Variants in FAT3 observed in about 807,000 individuals in gnomAD.
FAT3 encodes protocadherin Fat 3.
A neutral mutation model predicts 310.2 loss-of-function variants in FAT3; 95 were observed. That is an observed-to-expected ratio of 0.31 (90% confidence interval 0.26 to 0.36). The LOEUF is 0.36. Ranked by LOEUF, FAT3 falls within the 10% of genes least tolerant of loss-of-function variation. FAT3 has a pLI of 1.00. For missense variants in FAT3, 5,408 were observed against 5,715.6 expected, an observed-to-expected ratio of 0.95 and a Z score of 1.74; for synonymous variants, 2,314 against 2,192.9, an observed-to-expected ratio of 1.06 and a Z score of -1.54.
chr11:92,315,132 T>C (rs866707368), intron 1 of FAT3, among the ~76,000 whole-genome samples: 32 of 151,732 alleles, frequency 2.1e-4, no homozygotes, highest in Middle Eastern at 3.4e-3. Flanking sequence ...GATAATCCTG[T>C]GAATAACCTT....
chr11:92,779,966 C>T (rs1946701319), intron 7 of FAT3, among the ~76,000 whole-genome samples: 1 of 152,056 alleles, frequency 6.6e-6, no homozygotes, highest in South Asian at 2.1e-4. Context: ...AGCAGGGAAA[C>T]CAGGGGCCTC....
chr11:92,240,782 C>A lies in FAT3; in HGVS notation c.-18+15608C>A, dbSNP rs564502075. ...ATACATATCCATTGACAAAAGCCAGCAACTTACTTACCTGGTCTCATTTTT... is the reference window on the plus strand; with the variant it reads ...ATACATATCCATTGACAAAAGCCAGAAACTTACTTACCTGGTCTCATTTTT... On this transcript the variant is annotated intron_variant, in intron 1 of 27. Transcript: ENST00000525166. Among the ~76,000 whole-genome samples the A allele has an allele frequency of 3.9e-5, 6 of 152,112 alleles. No individual in the cohort carries two copies. In the East Asian group the frequency reaches 9.7e-4, roughly 24 times the overall value.
At chr11:92,790,298 G>T in intron 8 of FAT3, 80 bp downstream of exon 8, 1 of 1,420,808 alleles carries the variant, frequency 7.0e-7, no homozygotes, top group South Asian at 1.4e-5. Flanking sequence ...AGAAGTATAG[G>T]GCCCCTAAAT....
intron 4 of FAT3, among the ~76,000 whole-genome samples, chr11:92,727,994 G>A (rs1316351369): frequency 6.6e-6 from 1 of 152,182 alleles, no homozygotes; most frequent in African/African-American, 2.4e-5. Context: ...GCTGGCCAGT[G>A]GTGGCACTCC....
chr11:92,767,935 G>A lies in FAT3; in HGVS notation c.4195+2846G>A, dbSNP rs139662896. Reference sequence around the variant, plus strand: ...CTCAGAGTCAGTGTGACCTTCCACTGTGCTACTGGCCACGGCAACCTACAC... The same window carrying A: ...CTCAGAGTCAGTGTGACCTTCCACTATGCTACTGGCCACGGCAACCTACAC... On this transcript the variant is annotated intron_variant, in intron 6 of 27. Transcript: ENST00000525166. Among the ~76,000 whole-genome samples, 229 of 152,220 alleles carry A rather than the reference G, an allele frequency of 1.5e-3. 1 individual carries two copies. Among genetic ancestry groups the A allele is most frequent in the African/African-American group, 5.3e-3 (219 of 41,532 alleles).
intron 6 of FAT3, among the ~76,000 whole-genome samples, chr11:92,771,654 T>C (rs1159965398): frequency 2.6e-5 from 4 of 151,912 alleles, no homozygotes; most frequent in Non-Finnish European, 4.4e-5. Context: ...TTGGTCTGTC[T>C]CCCCTGTCCC....
intron 1 of FAT3, among the ~76,000 whole-genome samples, chr11:92,285,102 A>G (rs1251418642): frequency 1.3e-5 from 2 of 152,262 alleles, no homozygotes; most frequent in African/African-American, 4.8e-5. Context: ...AAATCAGTGA[A>G]TATATCTAGA....
rs114596076 is a variant in FAT3 at position 92,702,691 on chromosome 11, C to G, written c.3669+5246C>G. Among the ~76,000 whole-genome samples the G allele has an allele frequency of 6.3e-3, 966 of 152,288 alleles. 9 individuals carry two copies. Among genetic ancestry groups the G allele is most frequent in the African/African-American group, 0.022 (913 of 41,550 alleles). ...CTTCGATTATTCTTGAAAGATACATCTACTTAAATAATCCTATAGTCCTGG... is the reference window on the plus strand; with the variant it reads ...CTTCGATTATTCTTGAAAGATACATGTACTTAAATAATCCTATAGTCCTGG... On this transcript the variant is annotated intron_variant, in intron 4 of 27. Transcript: ENST00000525166.
chr11:92,826,068 A>C (rs1273870702), intron 13 of FAT3, among the ~76,000 whole-genome samples: 2 of 152,104 alleles, frequency 1.3e-5, no homozygotes, highest in Non-Finnish European at 2.9e-5. Context: ...ACTTACTCTC[A>C]AGTCAATGCC....
At chr11:92,301,989 C>CTT (rs1316037846) in intron 1 of FAT3, among the ~76,000 whole-genome samples, 1 of 152,016 alleles carries the variant, frequency 6.6e-6, no homozygotes, top group African/African-American at 2.4e-5. Flanking sequence ...AAGGGGTTAA[C>CTT]TGCTGAAACT....
In FAT3 at chr11:92,388,911, C is replaced by A. The variant is rs918268537; in HGVS notation, c.3292+33507C>A. 2.6e-5 allele frequency among the ~76,000 whole-genome samples: 4 copies of A among 152,132 alleles called. No individual in the cohort carries two copies. In the South Asian group the frequency reaches 6.2e-4, roughly 24 times the overall value. ...TGTCCCTTTCCCTGAACTGGACTTTCTTTCCATTTTATCTGTGCTGCTTCA... is the reference window on the plus strand; with the variant it reads ...TGTCCCTTTCCCTGAACTGGACTTTATTTCCATTTTATCTGTGCTGCTTCA... On this transcript the variant is annotated intron_variant, in intron 2 of 27. Transcript: ENST00000525166.
intron 1 of FAT3, among the ~76,000 whole-genome samples, chr11:92,329,602 C>A (rs1302637064): frequency 6.6e-6 from 1 of 150,504 alleles, no homozygotes; most frequent in African/African-American, 2.4e-5. Flanking sequence ...ATATGTACAT[C>A]TTTTTATAGA....
intron 2 of FAT3, among the ~76,000 whole-genome samples, chr11:92,480,150 AGCTACTCAGGAGGCTGAG>A (rs1322682666): frequency 6.6e-6 from 1 of 152,068 alleles, no homozygotes; most frequent in Non-Finnish European, 1.5e-5. Flanking sequence ...CTGTAGTCCC[AGCTACTCAGGAGGCTGAG>A]GCAGGAGAAT....
At chr11:92,552,810 C>A (rs1954868536) in intron 3 of FAT3, among the ~76,000 whole-genome samples, 1 of 151,632 alleles carries the variant, frequency 6.6e-6, no homozygotes, top group African/African-American at 2.4e-5. Context: ...GTTAGCCAGG[C>A]ATGATGGCAC....
At chr11:92,788,200 G>C (rs536313545) in intron 7 of FAT3, among the ~76,000 whole-genome samples, 32 of 152,238 alleles carry the variant, frequency 2.1e-4, no homozygotes, top group African/African-American at 7.7e-4. Context: ...AAGAATACTA[G>C]AGTTATGTCA....
chr11:92,322,091 T>G (rs906055061), intron 1 of FAT3, among the ~76,000 whole-genome samples: 3 of 152,124 alleles, frequency 2.0e-5, no homozygotes, highest in Admixed American at 2.0e-4. Context: ...AAAACATGAA[T>G]GTAAGATAAT....
chr11:92,806,773 C>G (rs544565951), intron 12 of FAT3, among the ~76,000 whole-genome samples: 1 of 152,164 alleles, frequency 6.6e-6, no homozygotes, highest in Non-Finnish European at 1.5e-5. Context: ...CAAAGAAAAG[C>G]CAGATGGTTA....
In FAT3 at chr11:92,774,248, G is replaced by GA. The variant is rs906029183; in HGVS notation, c.4335+77dup. 1,105 of 1,422,610 alleles carry GA rather than the reference G, an allele frequency of 7.8e-4. 1 individual carries two copies. The highest frequency in any genetic ancestry group is 1.7e-3 in the South Asian group (114 of 66,750). 88.1% of individuals were successfully genotyped at this position (1,422,610 alleles called of 1,614,324 possible). On this transcript the variant is annotated intron_variant, in intron 7 of 27. Coordinates refer to ENST00000525166, the MANE Select transcript of FAT3 (RefSeq NM_001367949.2). The stretch of plus-strand genomic sequence containing the variant: ...TGCCAAAGTCAGGGGTGCAAGCAAT[G>GA]AAAAAAAAATGTAATGGAAGTAGTA...
chr11:92,553,027 A>AATAT (rs1316503159), intron 3 of FAT3, among the ~76,000 whole-genome samples: 2 of 152,096 alleles, frequency 1.3e-5, no homozygotes, highest in Non-Finnish European at 2.9e-5. Flanking sequence ...GAAATAGAGG[A>AATAT]AGATAGAGAC....
Sources: allele counts gnomAD v4.1 joint callset (sites outside exome capture counted in the v4.1 genomes callset), GRCh38; gene constraint gnomAD v4.1.1; transcripts MANE v1.5; gene names NCBI Gene and HGNC (gene_info 2026-07-23, HGNC 2026-07-21).